Variants in CC2D1A observed in about 807,000 individuals in gnomAD.
CC2D1A encodes coiled-coil and C2 domain containing 1A.
In CC2D1A, 68 loss-of-function variants were observed where a neutral mutation model predicts 123.8. The ratio of observed to expected loss-of-function variants is 0.55; its 90% CI spans 0.45 to 0.67. CC2D1A has a LOEUF of 0.67. Ranked by LOEUF, CC2D1A falls within the 30% of genes least tolerant of loss-of-function variation. The probability of loss-of-function intolerance (pLI) is 0.00; values close to 1 mark genes in which losing one functional copy is unlikely to be tolerated. For synonymous variants in CC2D1A, 477 were observed against 528.0 expected, an observed-to-expected ratio of 0.90 and a Z score of 1.32; for missense variants, 1,185 against 1,290.3, an observed-to-expected ratio of 0.92 and a Z score of 1.25.
At chr19:13,909,398 A>C (rs1024297163) in intron 1 of CC2D1A, among the ~76,000 whole-genome samples, 2 of 149,896 alleles carry the variant, frequency 1.3e-5, no homozygotes, top group Non-Finnish European at 3.0e-5. Context: ...AAAACAAAAA[A>C]CTTTTTTTTT....
At chr19:13,925,931 AAAATATATAT>A (rs1202094565) in intron 17 of CC2D1A, among the ~76,000 whole-genome samples, 1 of 98,168 alleles carries the variant, frequency 1.0e-5, no homozygotes, top group East Asian at 2.4e-4. Context: ...AAAAAAAAAA[AAAATATATAT>A]ATATATATAT....
Position 13,930,680 on chromosome 19 carries a change from G to T in CC2D1A, c.*285G>T. 6.0e-6 allele frequency: 3 copies of T among 499,220 alleles called. No individual in the cohort carries two copies. The highest frequency in any genetic ancestry group is 1.1e-5 in the Non-Finnish European group (3 of 284,154). 30.9% of individuals were successfully genotyped at this position (499,220 alleles called of 1,614,324 possible). On this transcript the variant is annotated 3_prime_UTR_variant, in exon 29 of 29. Coordinates refer to ENST00000318003, the MANE Select transcript of CC2D1A (RefSeq NM_017721.5). This position sits in a 1 kb window ranked among gnomAD's most constrained non-coding sequence, Gnocchi z 6.8. Reference sequence around the variant, plus strand: ...CCTCTGGCCCGCCCCGGAGCAGGGAGGGTGGCTGGGGCCAAGCCCCGAGGG... The same window carrying T: ...CCTCTGGCCCGCCCCGGAGCAGGGATGGTGGCTGGGGCCAAGCCCCGAGGG...
intron 7 of CC2D1A, 126 bp from the exon 8 acceptor site, chr19:13,918,378 C>A: frequency 8.8e-7 from 1 of 1,141,412 alleles, no homozygotes; most frequent in Non-Finnish European, 1.2e-6. Context: ...GAGGATTAAG[C>A]AAGATGGCAC....
At chr19:13,925,101 CT>C (rs1451461701) in intron 17 of CC2D1A, among the ~76,000 whole-genome samples, 2 of 152,200 alleles carry the variant, frequency 1.3e-5, no homozygotes, top group Non-Finnish European at 2.9e-5. Context: ...CCCTCCCTAT[CT>C]ATCCGAGCAG....
chr19:13,912,598 A>C lies in CC2D1A; in HGVS notation c.378+5A>C. On this transcript the variant is annotated splice_donor_5th_base_variant and intron_variant, in intron 4 of 28. Coordinates refer to ENST00000318003, the MANE Select transcript of CC2D1A (RefSeq NM_017721.5). The stretch of plus-strand genomic sequence containing the variant: ...ACCCCACCTCCTGTGGCCCAGGTAC[A>C]GTTTGGATGACTCCACTCCCTTGAA... 4 of 1,613,780 alleles carry C rather than the reference A, an allele frequency of 2.5e-6. No homozygotes were observed. The highest frequency in any genetic ancestry group is 3.4e-6 in the Non-Finnish European group (4 of 1,179,948).
intron 12 of CC2D1A, 64 bp downstream of exon 12, chr19:13,920,015 G>A: frequency 6.7e-7 from 1 of 1,494,430 alleles, no homozygotes; most frequent in Middle Eastern, 2.3e-4. Flanking sequence ...GGGAATCCAA[G>A]ATGGGAGGAT....
rs2145369455 is a variant in CC2D1A, at chr19:13,927,438, C to T, written c.2316+173C>T. ...CCTAAATACTTGCAGTACCCCACTC[C>T]ATTATGATCAACTGGTATCTCAGCC... On this transcript the variant is annotated intron_variant, in intron 22 of 28. Transcript: ENST00000318003. The T allele has an allele frequency of 4.9e-6, 3 of 608,642 alleles. No individual in the cohort carries two copies. In the South Asian group the frequency reaches 5.7e-5, roughly 12 times the overall value. The allele number at this position is 608,642 out of a possible 1,614,324, so 37.7% of individuals were successfully genotyped here.
Position 13,930,715 on chromosome 19 carries a change from G to A in CC2D1A, c.*320G>A, listed in dbSNP as rs570365286. 5 of 465,664 alleles carry A rather than the reference G, an allele frequency of 1.1e-5. No individual in the cohort carries two copies. The highest frequency in any genetic ancestry group is 9.9e-5 in the African/African-American group (5 of 50,454). 28.8% of individuals were successfully genotyped at this position (465,664 alleles called of 1,614,324 possible). The stretch of plus-strand genomic sequence containing the variant: ...GGCCAAGCCCCGAGGGCCCCTGCAA[G>A]CACTTTACTTCCTGTTCCTCCCCAG... On this transcript the variant is annotated 3_prime_UTR_variant, in exon 29 of 29. Coordinates refer to ENST00000318003, the MANE Select transcript of CC2D1A (RefSeq NM_017721.5). This position sits in a 1 kb window ranked among gnomAD's most constrained non-coding sequence, Gnocchi z 6.8.
In CC2D1A at chr19:13,918,198, C is replaced by T. The variant is rs762510262; in HGVS notation, c.873+4C>T. The T allele has an allele frequency of 6.4e-6, 10 of 1,570,628 alleles. No homozygotes were observed. Among genetic ancestry groups the T allele is most frequent in the African/African-American group, 4.1e-5 (3 of 73,882 alleles). ...TAGACACTTCCGCGTGGCTAAGGTG[C>T]GTCCAGCCTGACGGACAGGACTGGA... On this transcript the variant is annotated splice_donor_region_variant and intron_variant, in intron 7 of 28. Transcript: ENST00000318003.
chr19:13,919,757 T>G, intron 11 of CC2D1A, 61 bp from the exon 12 acceptor site: 1 of 1,506,482 alleles, frequency 6.6e-7, no homozygotes, highest in Non-Finnish European at 8.9e-7. Context: ...ATCTCCACCA[T>G]AATGGTGTGA....
intron 1 of CC2D1A, among the ~76,000 whole-genome samples, chr19:13,908,257 G>T (rs1310257712): frequency 6.6e-6 from 1 of 152,154 alleles, no homozygotes; most frequent in Admixed American, 6.6e-5. Flanking sequence ...TGACCCGCCT[G>T]CCTCGGCCTC....
At position 13,930,334 on chromosome 19, in the gene CC2D1A, G is replaced by A. The variant is rs771213988; in HGVS notation, c.2836-41G>A. The A allele has an allele frequency of 2.1e-5, 34 of 1,613,632 alleles. No homozygotes were observed. The Admixed American group carries it at 2.3e-4, about 11-fold the overall frequency. ...GGGTGGTTGGGGGATCACTGTGGTC[G>A]TAGCCCACCTCCATGACCCCAGTGG... On this transcript the variant is annotated intron_variant, in intron 28 of 28. Coordinates refer to ENST00000318003, the MANE Select transcript of CC2D1A (RefSeq NM_017721.5). The surrounding 1 kb of genome is among the most constrained non-coding windows in gnomAD (Gnocchi z 6.8).
chr19:13,927,844 C>G, intron 22 of CC2D1A, 49 bp from the exon 23 acceptor site: 1 of 1,597,242 alleles, frequency 6.3e-7, no homozygotes, highest in Non-Finnish European at 8.5e-7. Flanking sequence ...CCCTGGGCCT[C>G]TAGTCACTTC....
At chr19:13,929,286 T>A (rs1224412807) in intron 24 of CC2D1A, 93 bp from the exon 25 acceptor site, 40 of 1,336,514 alleles carry the variant, frequency 3.0e-5, no homozygotes, top group Non-Finnish European at 4.3e-6. Context: ...ATTACAGGCG[T>A]GAGCCACTGT....
intron 7 of CC2D1A, 29 bp from the exon 8 acceptor site, chr19:13,918,472 CTCT>C: frequency 2.5e-6 from 4 of 1,603,674 alleles, no homozygotes; most frequent in Admixed American, 1.7e-5. Context: ...CCAACTGCAC[CTCT>C]TCTTCTAATC....
chr19:13,925,944 A>ATATATACGTATATATATG (rs1971584616), intron 17 of CC2D1A, among the ~76,000 whole-genome samples: 11 of 127,592 alleles, frequency 8.6e-5, no homozygotes, highest in African/African-American at 3.9e-4. Flanking sequence ...ATATATATAT[A>ATATATACGTATATATATG]TATATATATA....
chr19:13,914,469 G>A (rs1019125424), intron 6 of CC2D1A, among the ~76,000 whole-genome samples: 1 of 151,624 alleles, frequency 6.6e-6, no homozygotes, highest in Non-Finnish European at 1.5e-5. Context: ...TGAGTAGCTG[G>A]CATTACAGGT....
chr19:13,927,184 C>T lies in CC2D1A; in HGVS notation c.2235C>T (p.Phe745=). ...ACACACATGCACACAGGGGGCTGTTCAAGACTGACCGGGTGCTGGGGACAG... is the reference window on the plus strand; with the variant it reads ...ACACACATGCACACAGGGGGCTGTTTAAGACTGACCGGGTGCTGGGGACAG... ...KFEVVHKGGL[F]KTDRVLGTAQ... Residue 745 remains phenylalanine, a synonymous_variant, in exon 22 of 29, where the codon TTC becomes TTT. Coordinates refer to ENST00000318003, the MANE Select transcript of CC2D1A (RefSeq NM_017721.5). 1 of 1,614,024 alleles carries T rather than the reference C, an allele frequency of 6.2e-7. No homozygotes were observed. Among genetic ancestry groups the T allele is most frequent in the Non-Finnish European group, 8.5e-7 (1 of 1,179,966 alleles).
chr19:13,906,523 C>T lies in CC2D1A; in HGVS notation c.60+22C>T. 1.4e-6 allele frequency: 2 copies of T among 1,461,318 alleles called. No individual in the cohort carries two copies. The highest frequency in any genetic ancestry group is 1.3e-5 in the South Asian group (1 of 76,274). 90.5% of individuals were successfully genotyped at this position (1,461,318 alleles called of 1,614,324 possible). The stretch of plus-strand genomic sequence containing the variant: ...CCAGGTGAGTTTGCGCCCCACGGCC[C>T]GACCTGGGGATCCCTCCCCACCCCC... On this transcript the variant is annotated intron_variant, in intron 1 of 28. Transcript: ENST00000318003. The surrounding 1 kb of genome is among the most constrained non-coding windows in gnomAD (Gnocchi z 4.1).
Sources: allele counts gnomAD v4.1 joint callset (sites outside exome capture counted in the v4.1 genomes callset), GRCh38; gene constraint gnomAD v4.1.1; non-coding constraint Gnocchi (gnomAD v3.1); transcripts MANE v1.5; gene names NCBI Gene and HGNC (gene_info 2026-07-23, HGNC 2026-07-21).